The following INPP5F variants were observed in gnomAD, a reference collection of about 807,000 sequenced individuals.
The protein encoded by INPP5F is inositol polyphosphate-5-phosphatase F, also known as phosphatidylinositide 4-phosphatase SAC2.
INPP5F carries 97 observed loss-of-function variants against 137.2 expected under a neutral mutation model. The ratio of observed to expected loss-of-function variants is 0.71; its 90% CI spans 0.60 to 0.84. INPP5F has a LOEUF of 0.84. Among genes scored for constraint, INPP5F ranks in the 40% least tolerant of loss-of-function variants. The pLI is 0.00. For missense variants in INPP5F, 1,271 were observed against 1,371.9 expected, an observed-to-expected ratio of 0.93 and a Z score of 1.16; for synonymous variants, 504 against 476.9, an observed-to-expected ratio of 1.06 and a Z score of -0.74.
chr10:119,756,364 G>A (rs761909188), intron 2 of INPP5F, among the ~76,000 whole-genome samples: 7 of 152,060 alleles, frequency 4.6e-5, no homozygotes, highest in Non-Finnish European at 8.8e-5. Context: ...GGCCCGACAT[G>A]GTGACTCACG....
At chr10:119,777,350 TAAC>T (rs1044354810) in intron 2 of INPP5F, among the ~76,000 whole-genome samples, 3 of 151,828 alleles carry the variant, frequency 2.0e-5, no homozygotes, top group Non-Finnish European at 2.9e-5. Flanking sequence ...CCTACTAAAA[TAAC>T]AACAACAAAA....
intron 1 of INPP5F, among the ~76,000 whole-genome samples, chr10:119,743,184 A>G (rs951306620): frequency 6.6e-6 from 1 of 152,126 alleles, no homozygotes; most frequent in African/African-American, 2.4e-5. Flanking sequence ...TGATTCTGTG[A>G]TGACTTTAGC....
intron 15 of INPP5F, among the ~76,000 whole-genome samples, chr10:119,813,133 G>A (rs1252587651): frequency 6.6e-6 from 1 of 152,122 alleles, no homozygotes; most frequent in Non-Finnish European, 1.5e-5. Flanking sequence ...TGTTGGCTAC[G>A]ATTTTGTAGG....
intron 2 of INPP5F, among the ~76,000 whole-genome samples, chr10:119,756,909 A>G (rs1589682705): frequency 6.8e-6 from 1 of 147,444 alleles, no homozygotes; most frequent in South Asian, 2.1e-4. Flanking sequence ...CCTAATGCCT[A>G]GAAAATATCT....
intron 2 of INPP5F, among the ~76,000 whole-genome samples, chr10:119,775,468 T>G (rs1173508058): frequency 6.6e-6 from 1 of 152,116 alleles, no homozygotes; most frequent in Non-Finnish European, 1.5e-5. Context: ...TTTCCCCATA[T>G]TGCCCAGGCT....
At position 119,726,178 on chromosome 10, in the gene INPP5F, G is replaced by T; in HGVS notation, c.-85G>T. The T allele has an allele frequency of 1.2e-6, 1 of 834,744 alleles. No homozygotes were observed. The allele number at this position is 834,744 out of a possible 1,614,324, so 51.7% of individuals were successfully genotyped here. A position where few individuals can be genotyped will look rare whatever the true frequency, so the allele number is the denominator to read the frequency against. ...CGGTTCCTACCCGGCCGCTCCCCGAGGCGCGGGCTCTGGCGGCCTCGACCG... is the reference window on the plus strand; with the variant it reads ...CGGTTCCTACCCGGCCGCTCCCCGATGCGCGGGCTCTGGCGGCCTCGACCG... On this transcript the variant is annotated 5_prime_UTR_variant, in exon 1 of 20. In the 5' UTR this introduces an upstream ATG that the reference lacks. Coordinates refer to ENST00000650623, the MANE Select transcript of INPP5F (RefSeq NM_014937.4).
At position 119,785,286 on chromosome 10, in the gene INPP5F, G is replaced by GTTTTTTT. The variant is rs71019717; in HGVS notation, c.315+3525_315+3531dup. ...TAACCTTTTGTGGAACTGCCAGACT[G>GTTTTTTT]TTTTTTTTTTTTTTTTGGAGACGGA... On this transcript the variant is annotated intron_variant, in intron 3 of 19. Coordinates refer to ENST00000650623, the MANE Select transcript of INPP5F (RefSeq NM_014937.4). Among the ~76,000 whole-genome samples, 498 of 106,208 alleles carry GTTTTTTT rather than the reference G, an allele frequency of 4.7e-3. 36 individuals carry two copies. The highest frequency in any genetic ancestry group is 0.015 in the South Asian group (33 of 2,228). 69.7% of individuals were successfully genotyped at this position (106,208 alleles called of 152,430 possible).
chr10:119,794,330 T>TG (rs906634537), intron 6 of INPP5F, among the ~76,000 whole-genome samples: 1 of 152,134 alleles, frequency 6.6e-6, no homozygotes, highest in Non-Finnish European at 1.5e-5. Context: ...AGCACAGGGT[T>TG]GGGGGGTAAG....
chr10:119,798,296 G>A (rs1480602873), intron 8 of INPP5F, among the ~76,000 whole-genome samples: 1 of 152,108 alleles, frequency 6.6e-6, no homozygotes, highest in Non-Finnish European at 1.5e-5. Context: ...TTTCTGAGAA[G>A]TAGGCTAGAT....
intron 17 of INPP5F, 26 bp downstream of exon 17, chr10:119,822,530 C>T (rs751512343): frequency 8.9e-7 from 1 of 1,118,396 alleles, no homozygotes; most frequent in South Asian, 1.5e-5. Context: ...CTAATCAAGT[C>T]ATCAAAAGCA....
chr10:119,771,446 T>G, intron 2 of INPP5F, among the ~76,000 whole-genome samples: 1 of 152,162 alleles, frequency 6.6e-6, no homozygotes. Context: ...TTAACAACAA[T>G]GTAAATAGTA....
At position 119,787,963 on chromosome 10, in the gene INPP5F, C is replaced by T. The variant is rs1299969035; in HGVS notation, c.316-3554C>T. 1.3e-5 allele frequency among the ~76,000 whole-genome samples: 2 copies of T among 152,112 alleles called. No homozygotes were observed. Among genetic ancestry groups the T allele is most frequent in the African/African-American group, 4.8e-5 (2 of 41,410 alleles). ...CATAGAACATCTCCTGTGTGCCATG[C>T]CAGTAGCATTTCCATGAAGAAATAC... On this transcript the variant is annotated intron_variant, in intron 3 of 19. Coordinates refer to ENST00000650623, the MANE Select transcript of INPP5F (RefSeq NM_014937.4). This position sits in a 1 kb window ranked among gnomAD's most constrained non-coding sequence, Gnocchi z 4.1.
At chr10:119,796,422 A>G (rs1460244071) in intron 6 of INPP5F, among the ~76,000 whole-genome samples, 1 of 152,186 alleles carries the variant, frequency 6.6e-6, no homozygotes, top group Non-Finnish European at 1.5e-5. Context: ...TTACTATTTC[A>G]CGGAGAAGGA....
chr10:119,798,187 CAACTT>C (rs1265764961), intron 8 of INPP5F, among the ~76,000 whole-genome samples: 1 of 151,438 alleles, frequency 6.6e-6, no homozygotes, highest in East Asian at 1.9e-4. Flanking sequence ...ATTTCTCTCT[CAACTT>C]AGTTGGTATT....
chr10:119,823,481 C>T (rs1446080171), intron 18 of INPP5F, among the ~76,000 whole-genome samples: 1 of 152,208 alleles, frequency 6.6e-6, no homozygotes, highest in Admixed American at 6.5e-5. Flanking sequence ...CTTCACATGT[C>T]ATGTTCTTTT....
At chr10:119,796,992 G>A (rs370751233) in intron 7 of INPP5F, 79 bp downstream of exon 7, 3 of 1,296,766 alleles carry the variant, frequency 2.3e-6, no homozygotes, top group Non-Finnish European at 3.3e-6. Flanking sequence ...AAATGCTAAT[G>A]ACAATAATGG....
intron 1 of INPP5F, among the ~76,000 whole-genome samples, chr10:119,726,672 G>C (rs944092439): frequency 6.6e-6 from 1 of 152,234 alleles, no homozygotes; most frequent in African/African-American, 2.4e-5. Context: ...CCGGCAGAAA[G>C]TTCCAGCAAG....
intron 5 of INPP5F, 59 bp downstream of exon 5, chr10:119,792,095 T>C (rs1850167841): frequency 3.1e-6 from 5 of 1,614,026 alleles, no homozygotes; most frequent in Non-Finnish European, 4.2e-6. Flanking sequence ...TGGCCTGTTT[T>C]GGCTTTTGTA....
chr10:119,771,845 G>GAGATATATATATATAT (rs1445944351), intron 2 of INPP5F, among the ~76,000 whole-genome samples: 1 of 32,796 alleles, frequency 3.0e-5, no homozygotes. Flanking sequence ...AAAGTATGGA[G>GAGATATATATATATAT]ATATATATAT....
Sources: gnomAD v4.1 joint callset for allele counts (sites outside exome capture counted in the v4.1 genomes callset) on GRCh38, gnomAD v4.1.1 for gene constraint, Gnocchi (gnomAD v3.1) non-coding constraint, MANE v1.5 for transcripts, NCBI Gene and HGNC (gene_info 2026-07-23, HGNC 2026-07-21) for gene names.